Variants in SKIC3 observed in about 807,000 individuals in gnomAD.
SKIC3 encodes SKI3 subunit of superkiller complex.
chr5:95,547,252 A>G, the SKIC3 span: 2 of 955,944 alleles, frequency 2.1e-6, no homozygotes, highest in Non-Finnish European at 1.7e-6. Context: ...GGAAAAGGAA[A>G]AGACTCCTTC....
chr5:95,543,066 T>C, the SKIC3 span: 1 of 1,270,632 alleles, frequency 7.9e-7, no homozygotes, highest in East Asian at 2.5e-5. Context: ...AATTTAAATT[T>C]TTTCTTACAT....
chr5:95,539,496 TG>T, the SKIC3 span, among the ~76,000 whole-genome samples: 2 of 152,164 alleles, frequency 1.3e-5, no homozygotes, highest in Admixed American at 1.3e-4. Context: ...ACACTGCTGG[TG>T]GGAGTGTAAA....
the SKIC3 span, among the ~76,000 whole-genome samples, chr5:95,544,943 C>A: frequency 1.3e-5 from 2 of 152,170 alleles, no homozygotes; most frequent in African/African-American, 4.8e-5. Flanking sequence ...TCAGACAAAA[C>A]CACAGCAAAT....
chr5:95,494,998 T>C, the SKIC3 span: 1 of 1,613,846 alleles, frequency 6.2e-7, no homozygotes, highest in Non-Finnish European at 8.5e-7. Flanking sequence ...ATGAGCCACA[T>C]TTCCTGCTAC....
the SKIC3 span, among the ~76,000 whole-genome samples, chr5:95,506,187 C>T: frequency 6.6e-6 from 1 of 152,110 alleles, no homozygotes; most frequent in African/African-American, 2.4e-5. Flanking sequence ...GCAGTCAGAA[C>T]AGTTCAATCT....
chr5:95,479,204 C>A, the SKIC3 span, among the ~76,000 whole-genome samples: 1 of 152,276 alleles, frequency 6.6e-6, no homozygotes, highest in Non-Finnish European at 1.5e-5. Flanking sequence ...TAAACACACA[C>A]ACACAACAGA....
At chr5:95,504,876 G>A in the SKIC3 span, among the ~76,000 whole-genome samples, 1 of 152,042 alleles carries the variant, frequency 6.6e-6, no homozygotes, top group Middle Eastern at 3.4e-3. Flanking sequence ...ATGGTGGTGG[G>A]TGCCTGTAAT....
the SKIC3 span, among the ~76,000 whole-genome samples, chr5:95,475,299 G>A: frequency 6.6e-6 from 1 of 152,166 alleles, no homozygotes; most frequent in Non-Finnish European, 1.5e-5. Flanking sequence ...TGTTGGAAGT[G>A]GGGCCTGGTG....
the SKIC3 span, among the ~76,000 whole-genome samples, chr5:95,496,781 G>A: frequency 1.3e-4 from 20 of 152,222 alleles, no homozygotes; most frequent in African/African-American, 4.6e-4. Flanking sequence ...GGGTCTTGCA[G>A]ACTTCAGATG....
chr5:95,491,047 G>A, the SKIC3 span: 2 of 1,613,520 alleles, frequency 1.2e-6, no homozygotes, highest in South Asian at 2.2e-5. Context: ...CTGAAAACAG[G>A]AAATACACAG....
chr5:95,492,648 AAAAG>A, the SKIC3 span, among the ~76,000 whole-genome samples: 4 of 52,898 alleles, frequency 7.6e-5, no homozygotes, highest in Admixed American at 2.0e-4. Flanking sequence ...AAAAAAAAAA[AAAAG>A]AAAAAAAAAA....
At chr5:95,513,473 A>G in the SKIC3 span, 1 of 1,332,320 alleles carries the variant, frequency 7.5e-7, no homozygotes, top group South Asian at 1.2e-5. Context: ...GATTACAGGC[A>G]TAAGCCACTA....
chr5:95,468,196 A>C, the SKIC3 span, among the ~76,000 whole-genome samples: 2 of 152,182 alleles, frequency 1.3e-5, no homozygotes, highest in East Asian at 3.8e-4. Flanking sequence ...CTAAATGTTT[A>C]TACATATGGC....
At chr5:95,549,953 C>T in the SKIC3 span, among the ~76,000 whole-genome samples, 11 of 151,974 alleles carry the variant, frequency 7.2e-5, no homozygotes, top group South Asian at 6.2e-4. Flanking sequence ...ATTTCTAACA[C>T]GTCAAAGAAA....
At chr5:95,546,755 T>C in the SKIC3 span, among the ~76,000 whole-genome samples, 2 of 152,154 alleles carry the variant, frequency 1.3e-5, no homozygotes, top group Non-Finnish European at 2.9e-5. Flanking sequence ...AACACTAACA[T>C]GCCATTAAAC....
chr5:95,520,875 T>A, the SKIC3 span: 2 of 1,256,478 alleles, frequency 1.6e-6, no homozygotes, highest in Admixed American at 1.7e-5. Context: ...ACACTTAAAA[T>A]GAACTTCAAA....
the SKIC3 span, among the ~76,000 whole-genome samples, chr5:95,492,753 G>C: frequency 7.5e-6 from 1 of 133,758 alleles, no homozygotes; most frequent in Non-Finnish European, 1.6e-5. Flanking sequence ...GATTCCAACT[G>C]AAGTAGACTC....
the SKIC3 span, chr5:95,523,111 A>T: frequency 6.5e-7 from 1 of 1,550,102 alleles, no homozygotes; most frequent in Non-Finnish European, 8.8e-7. Context: ...TCTTCTCTCA[A>T]AATACAACCT....
chr5:95,495,070 A>C, the SKIC3 span: 2 of 1,581,792 alleles, frequency 1.3e-6, no homozygotes, highest in Non-Finnish European at 1.7e-6. Flanking sequence ...TTCATGAAAA[A>C]GAAAAAATTA....
Sources: gnomAD v4.1 joint callset for allele counts (sites outside exome capture counted in the v4.1 genomes callset) on GRCh38, gnomAD v4.1.1 for gene constraint, MANE v1.5 for transcripts, NCBI Gene and HGNC (gene_info 2026-07-23, HGNC 2026-07-21) for gene names.